CASK: variants seen among roughly 807,000 people sequenced by gnomAD.
CASK encodes the protein calcium/calmodulin dependent serine protein kinase.
Under a neutral mutation model 82.9 loss-of-function variants are expected in CASK, and 4 were observed. The observed-to-expected ratio is 0.05, with a 90% CI of 0.02 to 0.11. CASK has a LOEUF of 0.11. Ranked by LOEUF, CASK falls within the 10% of genes least tolerant of loss-of-function variation. The pLI is 1.00. For synonymous variants in CASK, 259 were observed against 253.5 expected, an observed-to-expected ratio of 1.02 and a Z score of -0.20; for missense variants, 358 against 720.9, an observed-to-expected ratio of 0.50 and a Z score of 5.76.
At chrX:41,534,084 A>G (rs2064842515) in intron 24 of CASK, among the ~76,000 whole-genome samples, 1 of 111,856 alleles carries the variant, frequency 8.9e-6, no homozygotes, top group South Asian at 3.7e-4. Flanking sequence ...ATCCTGAATT[A>G]CTTCATTTTA....
At chrX:41,657,211 AG>A (rs2066955577) in intron 8 of CASK, among the ~76,000 whole-genome samples, 1 of 112,719 alleles carries the variant, frequency 8.9e-6, no homozygotes, top group African/African-American at 3.2e-5. Flanking sequence ...CTGAGAGTAA[AG>A]GAATAAATAA....
chrX:41,631,214 T>A (rs1234402053), intron 9 of CASK, among the ~76,000 whole-genome samples: 1 of 111,685 alleles, frequency 9.0e-6, no homozygotes, highest in African/African-American at 3.2e-5. Context: ...TGGGTCTATG[T>A]AAAAGTATTT....
At chrX:41,816,159 C>G (rs1210686047) in intron 2 of CASK, among the ~76,000 whole-genome samples, 1 of 111,464 alleles carries the variant, frequency 9.0e-6, no homozygotes, top group African/African-American at 3.3e-5. Flanking sequence ...GCTAAAAAAA[C>G]AAAATTTTTT....
At chrX:41,675,383 A>T (rs1453073838) in intron 5 of CASK, among the ~76,000 whole-genome samples, 1 of 112,245 alleles carries the variant, frequency 8.9e-6, no homozygotes, top group East Asian at 2.8e-4. Context: ...GGAACCAATG[A>T]TCCCTTTTAT....
At chrX:41,737,955 C>CT (rs1180264927) in intron 5 of CASK, among the ~76,000 whole-genome samples, 2 of 112,911 alleles carry the variant, frequency 1.8e-5, no homozygotes, top group Admixed American at 1.9e-4. Flanking sequence ...CCTTTCCACA[C>CT]TTTTATTTCT....
intron 22 of CASK, among the ~76,000 whole-genome samples, chrX:41,535,778 T>A (rs982006696): frequency 6.3e-5 from 7 of 111,799 alleles, no homozygotes; most frequent in Non-Finnish European, 1.3e-4. Context: ...TGAGGAGAAA[T>A]ACTTTAACAA....
rs1362336160 is a variant in CASK at position 41,675,342 on chromosome X, T to TA, written c.430-3813dup. Among the ~76,000 whole-genome samples, 30 of 111,964 alleles carry TA rather than the reference T, an allele frequency of 2.7e-4. No homozygotes were observed. In the Admixed American group the frequency reaches 2.8e-3, roughly 11 times the overall value. ...ACAGCCTTGTAAGTGCTCCAAACCT[T>TA]AAAGTACCCACAATTACTACACCTG... On this transcript the variant is annotated intron_variant, in intron 5 of 26. Transcript: ENST00000378163.
chrX:41,841,808 C>A (rs1326868264), intron 2 of CASK, among the ~76,000 whole-genome samples: 4 of 111,856 alleles, frequency 3.6e-5, no homozygotes, highest in African/African-American at 1.3e-4. Flanking sequence ...GGGCATGAGC[C>A]ACCACGCCTA....
At chrX:41,642,350 A>C (rs1275531371) in intron 8 of CASK, among the ~76,000 whole-genome samples, 2 of 112,132 alleles carry the variant, frequency 1.8e-5, no homozygotes, top group African/African-American at 6.5e-5. Flanking sequence ...GAACTAGTTT[A>C]CAGTCCCACC....
chrX:41,677,445 A>G (rs1405957386), intron 5 of CASK, among the ~76,000 whole-genome samples: 1 of 112,151 alleles, frequency 8.9e-6, no homozygotes, highest in Admixed American at 9.4e-5. Context: ...CCGGAAGTCA[A>G]GTGAAGAAAC....
At position 41,581,760 on chromosome X, in the gene CASK, C is replaced by A. The variant is rs1005831757; in HGVS notation, c.1315-3232G>T. On this transcript the variant is annotated intron_variant, in intron 14 of 26. Coordinates refer to ENST00000378163, the MANE Select transcript of CASK (RefSeq NM_001367721.1). ...ATATAGTATATATATATATATATAT[C>A]TCAGAATTATATTTCCCACATAAGA... is the stretch of plus-strand genomic sequence containing the variant. Among the ~76,000 whole-genome samples, 5 of 108,164 alleles carry A rather than the reference C, an allele frequency of 4.6e-5. No individual in the cohort carries two copies. In the Admixed American group the frequency reaches 5.0e-4, roughly 11 times the overall value. The allele number at this position is 108,164 out of a possible 115,157, so 93.9% of individuals were successfully genotyped here.
In CASK at chrX:41,798,061, C is replaced by T. The variant is rs780867535; in HGVS notation, c.173-10778G>A. Among the ~76,000 whole-genome samples the T allele has an allele frequency of 1.3e-3, 144 of 111,846 alleles. 2 individuals carry two copies. Among genetic ancestry groups the T allele is most frequent in the African/African-American group, 4.3e-3 (133 of 30,804 alleles). ...ATATTATTTAATATTATAAATTACACGTCCCCAAAAAAGTTTCACTTGGAA... is the reference window on the plus strand; with the variant it reads ...ATATTATTTAATATTATAAATTACATGTCCCCAAAAAAGTTTCACTTGGAA... On this transcript the variant is annotated intron_variant, in intron 2 of 26. Transcript: ENST00000378163.
chrX:41,616,234 T>C (rs1027258902), intron 11 of CASK, among the ~76,000 whole-genome samples: 1 of 111,939 alleles, frequency 8.9e-6, no homozygotes, highest in African/African-American at 3.3e-5. Flanking sequence ...TTTTATAATA[T>C]CTACAAAGTA....
intron 8 of CASK, among the ~76,000 whole-genome samples, chrX:41,657,371 C>A (rs911199733): frequency 1.8e-5 from 2 of 112,369 alleles, no homozygotes; most frequent in African/African-American, 6.5e-5. Context: ...TAGAACCTGG[C>A]AAGATCAATG....
chrX:41,678,832 T>G (rs1050407949), intron 5 of CASK, among the ~76,000 whole-genome samples: 1 of 111,470 alleles, frequency 9.0e-6, no homozygotes, highest in African/African-American at 3.3e-5. Flanking sequence ...AATATCTATC[T>G]CTTTATCCTT....
chrX:41,567,578 G>A (rs1169385746), intron 16 of CASK, among the ~76,000 whole-genome samples: 1 of 111,924 alleles, frequency 8.9e-6, no homozygotes, highest in African/African-American at 3.3e-5. Context: ...TCATTAAAAT[G>A]TCAGGAAACA....
At chrX:41,733,706 G>A (rs1458308252) in intron 5 of CASK, among the ~76,000 whole-genome samples, 3 of 109,998 alleles carry the variant, frequency 2.7e-5, no homozygotes, top group African/African-American at 9.9e-5. Flanking sequence ...CTGAGATGGC[G>A]CCACTGCACT....
intron 1 of CASK, among the ~76,000 whole-genome samples, chrX:41,909,433 GC>G (rs1191425940): frequency 8.9e-6 from 1 of 111,978 alleles, no homozygotes; most frequent in African/African-American, 3.2e-5. Context: ...ATTTATCATT[GC>G]CCCATTCATT....
chrX:41,630,943 C>G (rs1490972205), intron 9 of CASK, among the ~76,000 whole-genome samples: 1 of 111,626 alleles, frequency 9.0e-6, no homozygotes, highest in East Asian at 2.8e-4. Context: ...TTAATTAAAT[C>G]AGAACTTTTG....
Sources: gnomAD v4.1 joint callset for allele counts (sites outside exome capture counted in the v4.1 genomes callset) on GRCh38, gnomAD v4.1.1 for gene constraint, MANE v1.5 for transcripts, NCBI Gene and HGNC (gene_info 2026-07-23, HGNC 2026-07-21) for gene names.